The following UVSSA variants were observed in gnomAD, a reference collection of about 807,000 sequenced individuals.
UVSSA encodes UV-stimulated scaffold protein A.
UVSSA carries 72 observed loss-of-function variants against 73.9 expected under a neutral mutation model. The observed-to-expected ratio is 0.97, with a 90% CI of 0.81 to 1.19. The LOEUF is 1.19. UVSSA is among the 50% of genes most tolerant of loss of function. The pLI is 0.00. For synonymous variants in UVSSA, 454 were observed against 391.3 expected, an observed-to-expected ratio of 1.16 and a Z score of -1.89; for missense variants, 1,150 against 965.0, an observed-to-expected ratio of 1.19 and a Z score of -2.54.
intron 7 of UVSSA, among the ~76,000 whole-genome samples, chr4:1,365,905 A>C (rs1429749037): frequency 6.6e-6 from 1 of 151,058 alleles, no homozygotes; most frequent in Admixed American, 6.6e-5. Context: ...ACCTGGTGAG[A>C]AGATAACTGC....
At chr4:1,355,066 C>G in intron 6 of UVSSA, 51 bp from the exon 7 acceptor site, 1 of 1,600,976 alleles carries the variant, frequency 6.2e-7, no homozygotes, top group Non-Finnish European at 8.5e-7. Context: ...AGGACAGCTT[C>G]CCAGGTCCTG....
chr4:1,345,674 A>AAC (rs1713611281), upstream of UVSSA, among the ~76,000 whole-genome samples: 1 of 143,194 alleles, frequency 7.0e-6, no homozygotes, highest in Non-Finnish European at 1.5e-5. Context: ...AAAAAAAAAA[A>AAC]GGCTGCAGGG....
chr4:1,375,882 T>C (rs1718701862), intron 9 of UVSSA, 152 bp from the exon 10 acceptor site: 3 of 1,224,462 alleles, frequency 2.5e-6, no homozygotes. Context: ...ACCTCAGCGG[T>C]GGCCCTGAGG....
rs1373692532 is a variant in UVSSA at position 1,375,500 on chromosome 4, A to T, written c.1425A>T (p.Ser475=). 4 of 1,610,070 alleles carry T rather than the reference A, an allele frequency of 2.5e-6. No homozygotes were observed. Among genetic ancestry groups the T allele is most frequent in the Non-Finnish European group, 3.4e-6 (4 of 1,179,700 alleles). Residue 475 remains serine, a synonymous_variant, in exon 9 of 14, where the codon TCA becomes TCT. Transcript: ENST00000389851. Reference sequence around the variant, plus strand: ...TCCGGGACCACTTGCCTCCACCCTCATCTGCCAGGTGACTCCCAGTGTCCT... The same window carrying T: ...TCCGGGACCACTTGCCTCCACCCTCTTCTGCCAGGTGACTCCCAGTGTCCT... ...RQLRDHLPPP[S]SASPSRALPE... is the part of the protein sequence containing the mutation.
At chr4:1,380,669 G>A in intron 11 of UVSSA, 1 of 1,535,672 alleles carries the variant, frequency 6.5e-7, no homozygotes, top group East Asian at 2.5e-5. Flanking sequence ...AGACCTTCCG[G>A]CTCCAGAGGA....
intron 8 of UVSSA, among the ~76,000 whole-genome samples, chr4:1,370,280 C>G (rs986815163): frequency 3.3e-5 from 5 of 152,168 alleles, no homozygotes; most frequent in African/African-American, 1.2e-4. Flanking sequence ...TGTGTGCATG[C>G]GTGTGCTGAC....
intron 10 of UVSSA, among the ~76,000 whole-genome samples, chr4:1,379,787 C>T (rs879312586): frequency 1.1e-3 from 21 of 19,366 alleles, no homozygotes; most frequent in African/African-American, 4.6e-3. Context: ...CGCAGGCGGT[C>T]GTGCCCGTGG....
chr4:1,370,728 G>T (rs1717928113), intron 8 of UVSSA, among the ~76,000 whole-genome samples: 1 of 152,258 alleles, frequency 6.6e-6, no homozygotes, highest in Non-Finnish European at 1.5e-5. Context: ...AGGCTGGCGA[G>T]CCCTGCAGCT....
At chr4:1,377,393 C>T (rs1403788152) in intron 10 of UVSSA, among the ~76,000 whole-genome samples, 2 of 152,208 alleles carry the variant, frequency 1.3e-5, no homozygotes, top group African/African-American at 4.8e-5. Flanking sequence ...GGGCCCCGTC[C>T]TCAGGGCTCC....
At chr4:1,377,689 C>A (rs952588555) in intron 10 of UVSSA, among the ~76,000 whole-genome samples, 13 of 152,152 alleles carry the variant, frequency 8.5e-5, no homozygotes, top group African/African-American at 3.1e-4. Context: ...AGAGAGAGGC[C>A]TGAGCAGCTG....
upstream of UVSSA, among the ~76,000 whole-genome samples, chr4:1,344,573 C>T (rs1194884750): frequency 6.6e-6 from 1 of 152,144 alleles, no homozygotes; most frequent in Non-Finnish European, 1.5e-5. Flanking sequence ...ACAAGAATAT[C>T]GTCTAACTCT....
In UVSSA at chr4:1,349,352, T is replaced by C. The variant is rs1451399422; in HGVS notation, c.99-172T>C. Among the ~76,000 whole-genome samples, 4 of 152,346 alleles carry C rather than the reference T, an allele frequency of 2.6e-5. No individual in the cohort carries two copies. The East Asian group carries it at 7.7e-4, about 29-fold the overall frequency. Reference sequence around the variant, plus strand: ...AACAGGCAGGGGCTGGGGAGGTAGATGTGGCCCTTGGGCAGTAGTTTGCAG... The same window carrying C: ...AACAGGCAGGGGCTGGGGAGGTAGACGTGGCCCTTGGGCAGTAGTTTGCAG... On this transcript the variant is annotated intron_variant, in intron 2 of 13. Transcript: ENST00000389851.
At chr4:1,356,402 T>C (rs983462479) in intron 7 of UVSSA, among the ~76,000 whole-genome samples, 1 of 152,142 alleles carries the variant, frequency 6.6e-6, no homozygotes, top group African/African-American at 2.4e-5. Context: ...AGGGCGAGCT[T>C]GCTTTTCTCC....
intron 8 of UVSSA, among the ~76,000 whole-genome samples, chr4:1,370,269 G>T (rs1331365485): frequency 6.6e-6 from 1 of 152,244 alleles, no homozygotes; most frequent in Non-Finnish European, 1.5e-5. Context: ...GTGTGTGCGT[G>T]TGTGTGCATG....
At position 1,383,851 on chromosome 4, in the gene UVSSA, G is replaced by A; in HGVS notation, c.1947G>A (p.Arg649=). 6.2e-7 allele frequency: 1 copy of A among 1,613,650 alleles called. No homozygotes were observed. Among genetic ancestry groups the A allele is most frequent in the Non-Finnish European group, 8.5e-7 (1 of 1,180,002 alleles). The change falls in exon 13 of 14, where the codon AGG becomes AGA. Residue 649 remains arginine, a synonymous_variant. Coordinates refer to ENST00000389851, the MANE Select transcript of UVSSA (RefSeq NM_020894.4). The stretch of plus-strand genomic sequence containing the variant: ...CATCCAGGTACAGCGGGAAAGGCAG[G>A]GGGAAGAAGAGGAGGTACCCCAGCC... ...LGSSRYSGKG[R]GKKRRYPSLT...
chr4:1,355,027 G>A, intron 6 of UVSSA, 90 bp from the exon 7 acceptor site: 1 of 1,565,644 alleles, frequency 6.4e-7, no homozygotes, highest in Non-Finnish European at 8.7e-7. Context: ...GACCCCCCGG[G>A]CCAGTGGACC....
At chr4:1,370,241 G>A (rs544613228) in intron 8 of UVSSA, among the ~76,000 whole-genome samples, 21 of 152,278 alleles carry the variant, frequency 1.4e-4, no homozygotes, top group South Asian at 2.1e-4. Context: ...TCTTGCCTCC[G>A]TCACTGTGAG....
chr4:1,395,314 G>A, exon 14 of UVSSA: 1 of 1,562,226 alleles, frequency 6.4e-7, no homozygotes, highest in Non-Finnish European at 8.7e-7. Context: ...CCCATGTGGA[G>A]TGCCCGCCTG....
chr4:1,395,719 G>T, exon 14 of UVSSA: 1 of 1,614,222 alleles, frequency 6.2e-7, no homozygotes, highest in Non-Finnish European at 8.5e-7. Flanking sequence ...GCCCTGGCAT[G>T]GTGGTTCTGT....
Sources: allele counts gnomAD v4.1 joint callset (sites outside exome capture counted in the v4.1 genomes callset), GRCh38; gene constraint gnomAD v4.1.1; transcripts MANE v1.5; gene names NCBI Gene and HGNC (gene_info 2026-07-23, HGNC 2026-07-21).